Variants in CHCHD3 observed in about 807,000 individuals in gnomAD.
CHCHD3 encodes the protein coiled-coil-helix-coiled-coil-helix domain containing 3, also known as MICOS complex subunit MIC19.
CHCHD3 carries 20 observed loss-of-function variants against 38.2 expected under a neutral mutation model. That is an observed-to-expected ratio of 0.52 (90% CI 0.37 to 0.76). CHCHD3 has a LOEUF of 0.76. Ranked by LOEUF, CHCHD3 falls within the 30% of genes least tolerant of loss-of-function variation. The probability of loss-of-function intolerance (pLI) is 0.00; values close to 1 mark genes in which losing one functional copy is unlikely to be tolerated. For synonymous variants in CHCHD3, 82 were observed against 100.0 expected, an observed-to-expected ratio of 0.82 and a Z score of 1.07; for missense variants, 245 against 279.2, an observed-to-expected ratio of 0.88 and a Z score of 0.87.
intron 4 of CHCHD3, among the ~76,000 whole-genome samples, chr7:132,900,767 G>A (rs147869397): frequency 0.027 from 4,144 of 152,282 alleles, 68 homozygotes; most frequent in Non-Finnish European, 0.042. Flanking sequence ...AAGTCGGGTG[G>A]ATCACCTGAG....
intron 4 of CHCHD3, among the ~76,000 whole-genome samples, chr7:132,952,941 T>A (rs1811065934): frequency 6.6e-6 from 1 of 152,198 alleles, no homozygotes; most frequent in Admixed American, 6.5e-5. Context: ...AATAAATGTA[T>A]CCATTATTTA....
chr7:132,867,784 A>G (rs990011360), intron 5 of CHCHD3, among the ~76,000 whole-genome samples: 2 of 152,212 alleles, frequency 1.3e-5, no homozygotes, highest in Admixed American at 6.5e-5. Context: ...ATAAACTTCA[A>G]AAGAAAAAAT....
intron 6 of CHCHD3, among the ~76,000 whole-genome samples, chr7:132,814,966 G>T (rs1316510033): frequency 1.3e-5 from 2 of 152,196 alleles, no homozygotes; most frequent in East Asian, 1.9e-4. Context: ...CTTAAGTACT[G>T]CTCAGGATGA....
intron 6 of CHCHD3, among the ~76,000 whole-genome samples, chr7:132,809,451 C>A (rs2117048766): frequency 6.6e-6 from 1 of 152,268 alleles, no homozygotes; most frequent in African/African-American, 2.4e-5. Context: ...TACACGAATT[C>A]TAGTGAATGA....
intron 4 of CHCHD3, among the ~76,000 whole-genome samples, chr7:132,950,043 A>C (rs770191565): frequency 3.3e-5 from 5 of 152,202 alleles, no homozygotes; most frequent in Non-Finnish European, 5.9e-5. Context: ...AAAACATTAA[A>C]TATGAAAAAA....
At position 132,849,169 on chromosome 7, in the gene CHCHD3, G is replaced by A. The variant is rs576704557; in HGVS notation, c.454-10700C>T. 12 of 152,260 alleles carry A rather than the reference G, an allele frequency of 7.9e-5. 3 individuals carry two copies. The highest frequency in any genetic ancestry group is 2.9e-4 in the African/African-American group (12 of 41,544). The allele number at this position is 152,260 out of a possible 1,614,324, so 9.4% of individuals were successfully genotyped here. A position where few individuals can be genotyped will look rare whatever the true frequency, so the allele number is the denominator to read the frequency against. ...CTGGTTTCTCCTTGTGGAAGGCAGT[G>A]GTTCTCCATCACAATACCATTCTTG... On this transcript the variant is annotated intron_variant, in intron 5 of 7. Transcript: ENST00000262570.
chr7:132,951,789 G>C (rs1312519603), intron 4 of CHCHD3, among the ~76,000 whole-genome samples: 1 of 152,172 alleles, frequency 6.6e-6, no homozygotes, highest in African/African-American at 2.4e-5. Flanking sequence ...TACCAAGAAA[G>C]CTATGATGAA....
intron 4 of CHCHD3, among the ~76,000 whole-genome samples, chr7:132,952,204 G>T (rs1811051420): frequency 6.6e-6 from 1 of 152,218 alleles, no homozygotes. Flanking sequence ...CCTCTTTCAT[G>T]TCCTTAATCC....
At chr7:132,831,630 TAA>T (rs1237442072) in intron 6 of CHCHD3, among the ~76,000 whole-genome samples, 2 of 152,292 alleles carry the variant, frequency 1.3e-5, no homozygotes, top group South Asian at 2.1e-4. Context: ...ACTTTTGAAA[TAA>T]GTTTTAATTA....
intron 1 of CHCHD3, among the ~76,000 whole-genome samples, chr7:133,078,942 A>C (rs967775076): frequency 1.3e-5 from 2 of 152,254 alleles, no homozygotes; most frequent in African/African-American, 4.8e-5. Context: ...TAACAAACTA[A>C]GCTAAAAACA....
intron 4 of CHCHD3, among the ~76,000 whole-genome samples, chr7:132,910,981 G>A (rs1447494393): frequency 6.6e-6 from 1 of 152,140 alleles, no homozygotes; most frequent in African/African-American, 2.4e-5. Flanking sequence ...AAAACTAACA[G>A]AAAACCAAGA....
chr7:132,989,196 TCC>T (rs1342871365), intron 3 of CHCHD3, among the ~76,000 whole-genome samples: 1 of 152,198 alleles, frequency 6.6e-6, no homozygotes, highest in East Asian at 1.9e-4. Context: ...CAGCATTAAG[TCC>T]TGGTTCTGAA....
intron 3 of CHCHD3, among the ~76,000 whole-genome samples, chr7:133,006,110 A>G (rs976838479): frequency 4.6e-5 from 7 of 152,206 alleles, no homozygotes; most frequent in Non-Finnish European, 8.8e-5. Flanking sequence ...TAAAGTATCT[A>G]AACTCCCATA....
chr7:132,919,284 A>G (rs1433004344), intron 4 of CHCHD3, among the ~76,000 whole-genome samples: 1 of 151,098 alleles, frequency 6.6e-6, no homozygotes, highest in Non-Finnish European at 1.5e-5. Context: ...AATTTTTTGT[A>G]TTTTTGTTAG....
intron 2 of CHCHD3, among the ~76,000 whole-genome samples, chr7:133,027,441 GGAGGGA>G (rs1813377719): frequency 7.4e-6 from 1 of 135,020 alleles, no homozygotes; most frequent in African/African-American, 2.8e-5. Flanking sequence ...AGGGAGGGAG[GGAGGGA>G]GGGGGGGAGA....
Position 132,853,163 on chromosome 7 carries a change from G to A in CHCHD3, c.454-14694C>T, listed in dbSNP as rs913945345. ...TGTGCACATCTCTCTAAGTGAATAAGAAGATGAAACAACTCCGACTGACCG... is the reference window on the plus strand; with the variant it reads ...TGTGCACATCTCTCTAAGTGAATAAAAAGATGAAACAACTCCGACTGACCG... On this transcript the variant is annotated intron_variant, in intron 5 of 7. Coordinates refer to ENST00000262570, the MANE Select transcript of CHCHD3 (RefSeq NM_017812.4). Among the ~76,000 whole-genome samples, 4 of 152,150 alleles carry A rather than the reference G, an allele frequency of 2.6e-5. 1 individual carries two copies. Among genetic ancestry groups the A allele is most frequent in the Admixed American group, 1.3e-4 (2 of 15,270 alleles).
chr7:133,010,306 C>A (rs780129914), intron 3 of CHCHD3, among the ~76,000 whole-genome samples: 110 of 152,134 alleles, frequency 7.2e-4, no homozygotes, highest in Non-Finnish European at 1.3e-3. Context: ...ATCTTATAGG[C>A]CACAATACAG....
chr7:132,811,432 AT>A (rs1319764419), intron 6 of CHCHD3, among the ~76,000 whole-genome samples: 1 of 152,260 alleles, frequency 6.6e-6, no homozygotes, highest in Non-Finnish European at 1.5e-5. Flanking sequence ...TGCATGTTAA[AT>A]TTTACTAAAT....
At position 132,948,130 on chromosome 7, in the gene CHCHD3, T is replaced by G. The variant is rs113645566; in HGVS notation, c.369+27039A>C. On this transcript the variant is annotated intron_variant, in intron 4 of 7. Coordinates refer to ENST00000262570, the MANE Select transcript of CHCHD3 (RefSeq NM_017812.4). ...CACAATAAACTGAGATTTCCTGTTT[T>G]GGGATTTCCTTCTTTGCCTTCCAAA... Among the ~76,000 whole-genome samples the G allele has an allele frequency of 1.3e-3, 191 of 152,254 alleles. 1 individual carries two copies. The highest frequency in any genetic ancestry group is 4.5e-3 in the African/African-American group (187 of 41,576).
Sources: gnomAD v4.1 joint callset for allele counts (sites outside exome capture counted in the v4.1 genomes callset) on GRCh38, gnomAD v4.1.1 for gene constraint, MANE v1.5 for transcripts, NCBI Gene and HGNC (gene_info 2026-07-23, HGNC 2026-07-21) for gene names.